ZNF331: variants seen among roughly 807,000 people sequenced by gnomAD.
The protein encoded by ZNF331 is C2H2-like zinc finger protein rearranged in thyroid adenomas.
Under a neutral mutation model 7.0 loss-of-function variants are expected in ZNF331, and 2 were observed. That is an observed-to-expected ratio of 0.29 (90% CI 0.12 to 0.90). The LOEUF (loss-of-function observed/expected upper bound fraction) is 0.90. Among genes scored for constraint, ZNF331 ranks in the 40% least tolerant of loss-of-function variants. The pLI, the probability that ZNF331 is intolerant of heterozygous loss-of-function variation, is 0.58. For synonymous variants in ZNF331, 196 were observed against 205.4 expected (o/e 0.95, Z 0.39); for missense variants, 432 against 587.7 (o/e 0.74, Z 2.74).
intron 2 of ZNF331, among the ~76,000 whole-genome samples, chr19:53,546,699 AAGTT>A (rs1211052735): frequency 6.6e-6 from 1 of 152,180 alleles, no homozygotes; most frequent in Admixed American, 6.6e-5. Flanking sequence ...AGAAAAGAGA[AAGTT>A]AGTTTGTTTA....
the ZNF331 span, chr19:53,512,835 C>A: frequency 6.7e-6 from 1 of 149,094 alleles, no homozygotes; most frequent in Non-Finnish European, 1.5e-5. Flanking sequence ...TTTATGAGAT[C>A]AAACTAATGC....
intron 2 of ZNF331, among the ~76,000 whole-genome samples, chr19:53,553,099 A>G (rs898980915): frequency 5.3e-5 from 8 of 152,178 alleles, no homozygotes; most frequent in African/African-American, 1.9e-4. Flanking sequence ...TTCAATTTAC[A>G]TGAATCAGTA....
At chr19:53,544,592 A>C (rs2088465329) in intron 2 of ZNF331, among the ~76,000 whole-genome samples, 2 of 149,042 alleles carry the variant, frequency 1.3e-5, no homozygotes, top group African/African-American at 5.2e-5. Context: ...ATGCCATCAT[A>C]TAGCAGACCA....
intron 4 of ZNF331, among the ~76,000 whole-genome samples, chr19:53,570,049 A>G (rs114801209): frequency 0.016 from 2,483 of 152,220 alleles, 56 homozygotes; most frequent in African/African-American, 0.057. Context: ...TGTGGTCAGG[A>G]GTTCAAAACC....
upstream of ZNF331, among the ~76,000 whole-genome samples, chr19:53,534,315 T>TCTCA (rs139371857): frequency 0.096 from 14,545 of 151,476 alleles, 750 homozygotes; most frequent in Non-Finnish European, 0.11. Flanking sequence ...TGATACAGAG[T>TCTCA]CTCACTCTGT....
chr19:53,517,520 T>C (rs2086931060), upstream of ZNF331, among the ~76,000 whole-genome samples: 1 of 152,214 alleles, frequency 6.6e-6, no homozygotes, highest in South Asian at 2.1e-4. Flanking sequence ...CTGCCAAAGT[T>C]TCTACCCACA....
At chr19:53,540,273 G>A (rs886580881) in intron 2 of ZNF331, among the ~76,000 whole-genome samples, 2 of 152,288 alleles carry the variant, frequency 1.3e-5, no homozygotes, top group African/African-American at 4.8e-5. Context: ...GGAAGTCTGA[G>A]AAGAGGGTAC....
At chr19:53,544,488 T>A (rs1367204718) in intron 2 of ZNF331, among the ~76,000 whole-genome samples, 1 of 144,264 alleles carries the variant, frequency 6.9e-6, no homozygotes, top group Non-Finnish European at 1.5e-5. Context: ...GAGCTTGCAG[T>A]GAGCCGAGAT....
At chr19:53,544,544 CAAA>C (rs966045578) in intron 2 of ZNF331, among the ~76,000 whole-genome samples, 4 of 94,182 alleles carry the variant, frequency 4.2e-5, no homozygotes, top group Admixed American at 1.1e-4. Context: ...GACTCCGTCT[CAAA>C]AAAAAAAAAA....
chr19:53,577,495 A>G lies in ZNF331; in HGVS notation c.935A>G (p.Asn312Ser), dbSNP rs761556372. ...QECGKAFTRV[N>S]YLTQHQKIHT... ...TGTGGGAAGGCCTTTACTCGAGTCA[A>G]TTACCTTACTCAGCATCAGAAGATC... is the stretch of plus-strand genomic sequence containing the variant. The change falls in exon 6 of 6, where the codon AAT becomes AGT. Residue 312 changes from asparagine to serine, a missense_variant. Coordinates refer to ENST00000449416, the MANE Select transcript of ZNF331 (RefSeq NM_001079906.2). 1.7e-5 allele frequency: 28 copies of G among 1,612,502 alleles called. No individual in the cohort carries two copies. Among genetic ancestry groups the G allele is most frequent in the African/African-American group, 1.5e-4 (11 of 74,744 alleles).
At chr19:53,559,907 TACACATACATACCCACACCATAC>T (rs1228160641) in intron 3 of ZNF331, among the ~76,000 whole-genome samples, 3 of 150,280 alleles carry the variant, frequency 2.0e-5, no homozygotes, top group Non-Finnish European at 4.4e-5. Context: ...CACACATATG[TACACATACATACCCACACCATAC>T]ACACATACAT....
At chr19:53,537,894 C>T (rs1433707848), upstream of ZNF331, 4 of 152,276 alleles carry the variant, frequency 2.6e-5, no homozygotes, top group Admixed American at 2.0e-4. Flanking sequence ...ACATGCGTGT[C>T]GGCATCTGTG....
At chr19:53,575,694 G>C (rs192599775) in intron 5 of ZNF331, among the ~76,000 whole-genome samples, 17 of 149,122 alleles carry the variant, frequency 1.1e-4, no homozygotes, top group African/African-American at 3.2e-4. Context: ...TTTGTTTTTT[G>C]TTTTTTTGAT....
the ZNF331 span, among the ~76,000 whole-genome samples, chr19:53,505,505 A>T: frequency 6.6e-6 from 1 of 152,148 alleles, no homozygotes; most frequent in African/African-American, 2.4e-5. Flanking sequence ...GGACTGAAAC[A>T]CTTTTAGTCC....
chr19:53,578,496 A>G lies in ZNF331; in HGVS notation c.*544A>G, dbSNP rs555828025. 11 of 224,436 alleles carry G rather than the reference A, an allele frequency of 4.9e-5. No homozygotes were observed. The highest frequency in any genetic ancestry group is 2.2e-4 in the African/African-American group (10 of 44,802). 13.9% of individuals were successfully genotyped at this position (224,436 alleles called of 1,614,324 possible). ...TAATTTTATTACATATATTGTTACA[A>G]TTGTTCTATTTTGTTAGTTACTGTT... On this transcript the variant is annotated 3_prime_UTR_variant, in exon 6 of 6. Transcript: ENST00000449416.
intron 2 of ZNF331, among the ~76,000 whole-genome samples, chr19:53,551,223 G>A (rs1015066944): frequency 2.0e-5 from 3 of 152,160 alleles, no homozygotes; most frequent in African/African-American, 7.2e-5. Context: ...CCTCTAAGGA[G>A]TTCATAAAGA....
intron 3 of ZNF331, among the ~76,000 whole-genome samples, chr19:53,559,409 CACAT>C (rs1334959566): frequency 7.3e-5 from 11 of 151,120 alleles, no homozygotes; most frequent in African/African-American, 9.8e-5. Context: ...CATATATACA[CACAT>C]ACACATCGTA....
rs59869542 is a variant in ZNF331 at position 53,556,971 on chromosome 19, C to CT, written c.-74+1091dup. 4.7e-3 allele frequency among the ~76,000 whole-genome samples: 327 copies of CT among 69,624 alleles called. 20 individuals are homozygous for CT. The highest frequency in any genetic ancestry group is 8.9e-3 in the East Asian group (21 of 2,362). The allele number at this position is 69,624 out of a possible 152,430, so 45.7% of individuals were successfully genotyped here. A position where few individuals can be genotyped will look rare whatever the true frequency, so the allele number is the denominator to read the frequency against. Reference sequence around the variant, plus strand: ...CAGGTGTGAGCCACCACACCTGGCTCTTTTTTTTTTTTTTTTTTTTTTTTT... The same window carrying CT: ...CAGGTGTGAGCCACCACACCTGGCTCTTTTTTTTTTTTTTTTTTTTTTTTTT... On this transcript the variant is annotated intron_variant, in intron 3 of 5. Transcript: ENST00000449416.
At chr19:53,559,453 C>T (rs1170400272) in intron 3 of ZNF331, among the ~76,000 whole-genome samples, 1 of 150,968 alleles carries the variant, frequency 6.6e-6, no homozygotes, top group Non-Finnish European at 1.5e-5. Context: ...TATATACACA[C>T]ATATATACAC....
Sources: allele counts gnomAD v4.1 joint callset (sites outside exome capture counted in the v4.1 genomes callset), GRCh38; gene constraint gnomAD v4.1.1; transcripts MANE v1.5; gene names NCBI Gene and HGNC (gene_info 2026-07-23, HGNC 2026-07-21).